The following PPM1E variants were observed in gnomAD, a reference collection of about 807,000 sequenced individuals.
PPM1E encodes protein phosphatase 1E.
PPM1E carries 20 observed loss-of-function variants against 65.9 expected under a neutral mutation model. That is an observed-to-expected ratio of 0.30 (90% CI 0.21 to 0.44). The LOEUF is 0.44. Among genes scored for constraint, PPM1E ranks in the 20% least tolerant of loss-of-function variants. The probability of loss-of-function intolerance (pLI) is 1.00; values close to 1 mark genes in which losing one functional copy is unlikely to be tolerated. For missense variants in PPM1E, 713 were observed against 953.1 expected (o/e 0.75, Z 3.32); for synonymous variants, 352 against 374.9 (o/e 0.94, Z 0.70).
At chr17:58,763,106 C>CACA (rs2049839244) in intron 1 of PPM1E, among the ~76,000 whole-genome samples, 3 of 152,000 alleles carry the variant, frequency 2.0e-5, no homozygotes, top group Non-Finnish European at 4.4e-5. Flanking sequence ...TAAGTTAATA[C>CACA]TGACTGCTCT....
At chr17:58,976,658 C>T (rs556103577) in intron 6 of PPM1E, among the ~76,000 whole-genome samples, 3 of 152,236 alleles carry the variant, frequency 2.0e-5, no homozygotes, top group Non-Finnish European at 2.9e-5. Context: ...GCCATTTCTA[C>T]GATGAAATGG....
rs184455718 is a variant in PPM1E at position 58,866,623 on chromosome 17, A to G, written c.465-89026A>G. Among the ~76,000 whole-genome samples the G allele has an allele frequency of 1.3e-3, 200 of 151,690 alleles. 1 individual carries two copies. The highest frequency in any genetic ancestry group is 9.1e-3 in the Admixed American group (138 of 15,228). On this transcript the variant is annotated intron_variant, in intron 1 of 6. Transcript: ENST00000308249. The stretch of plus-strand genomic sequence containing the variant: ...AATGCTGTCATTGTAAATGCTGTCA[A>G]CTACCTCCATAGCTGCAGTCCTCAC...
chr17:58,783,001 T>C (rs1356385907), intron 1 of PPM1E, among the ~76,000 whole-genome samples: 1 of 152,124 alleles, frequency 6.6e-6, no homozygotes, highest in East Asian at 1.9e-4. Flanking sequence ...CCAATATAGG[T>C]GAAATTAAGA....
intron 1 of PPM1E, among the ~76,000 whole-genome samples, chr17:58,823,017 C>A (rs1033367629): frequency 6.6e-6 from 1 of 152,064 alleles, no homozygotes; most frequent in Admixed American, 6.6e-5. Flanking sequence ...ATGATTATTG[C>A]TCTTCTTGTT....
In PPM1E at chr17:58,764,570, G is replaced by A. The variant is rs138154711; in HGVS notation, c.464+8109G>A. Among the ~76,000 whole-genome samples, 115 of 152,114 alleles carry A rather than the reference G, an allele frequency of 7.6e-4. 1 individual carries two copies. The highest frequency in any genetic ancestry group is 1.5e-3 in the Non-Finnish European group (99 of 68,012). Reference sequence around the variant, plus strand: ...CCTGCCTCAGCCTCTCAAGTAGTTGGCAGTACAGGCATGTGCCGTCATGCC... The same window carrying A: ...CCTGCCTCAGCCTCTCAAGTAGTTGACAGTACAGGCATGTGCCGTCATGCC... On this transcript the variant is annotated intron_variant, in intron 1 of 6. Coordinates refer to ENST00000308249, the MANE Select transcript of PPM1E (RefSeq NM_014906.5).
At chr17:58,826,298 C>G (rs1384695811) in intron 1 of PPM1E, among the ~76,000 whole-genome samples, 1 of 102,736 alleles carries the variant, frequency 9.7e-6, no homozygotes, top group Non-Finnish European at 2.0e-5. Flanking sequence ...GAGACAGACT[C>G]GATCTCAAAA....
At chr17:58,900,383 A>G (rs553202333) in intron 1 of PPM1E, among the ~76,000 whole-genome samples, 7 of 152,362 alleles carry the variant, frequency 4.6e-5, no homozygotes, top group African/African-American at 1.7e-4. Context: ...TTGATCAGTC[A>G]GCAGCCATCA....
At chr17:58,861,144 C>T (rs540617340) in intron 1 of PPM1E, among the ~76,000 whole-genome samples, 1 of 152,274 alleles carries the variant, frequency 6.6e-6, no homozygotes, top group East Asian at 1.9e-4. Context: ...AGGCAATACC[C>T]ACCATGGTGG....
intron 1 of PPM1E, among the ~76,000 whole-genome samples, chr17:58,780,337 T>C (rs2050038887): frequency 6.6e-6 from 1 of 152,184 alleles, no homozygotes; most frequent in South Asian, 2.1e-4. Context: ...GGTGAAACCC[T>C]GTCTCCACAA....
chr17:58,935,249 C>CA lies in PPM1E; in HGVS notation c.465-20386dup, dbSNP rs11347335. 4.4e-3 allele frequency among the ~76,000 whole-genome samples: 621 copies of CA among 140,402 alleles called. 6 individuals are homozygous for CA. The highest frequency in any genetic ancestry group is 0.031 in the South Asian group (138 of 4,440). 92.1% of individuals were successfully genotyped at this position (140,402 alleles called of 152,430 possible). A position where few individuals can be genotyped will look rare whatever the true frequency, so the allele number is the denominator to read the frequency against. On this transcript the variant is annotated intron_variant, in intron 1 of 6. Coordinates refer to ENST00000308249, the MANE Select transcript of PPM1E (RefSeq NM_014906.5). The stretch of plus-strand genomic sequence containing the variant: ...TGGGCGACAGAACTAGACTCCATTT[C>CA]AAAAAAAAAAAAAATGGCTAGGCTG...
At chr17:58,840,927 A>AG in intron 1 of PPM1E, among the ~76,000 whole-genome samples, 1 of 152,318 alleles carries the variant, frequency 6.6e-6, no homozygotes, top group East Asian at 1.9e-4. Context: ...AGCACAGCAG[A>AG]GAAAAAGCTG....
intron 1 of PPM1E, among the ~76,000 whole-genome samples, chr17:58,857,611 A>C (rs2050896613): frequency 6.6e-6 from 1 of 152,172 alleles, no homozygotes; most frequent in African/African-American, 2.4e-5. Flanking sequence ...ATCATTTTTT[A>C]AGCAGTAATT....
intron 1 of PPM1E, among the ~76,000 whole-genome samples, chr17:58,784,360 A>G (rs909068222): frequency 4.6e-5 from 7 of 152,052 alleles, no homozygotes; most frequent in Non-Finnish European, 8.8e-5. Flanking sequence ...TTACTGCTTT[A>G]GTAAGAATGT....
chr17:58,831,004 C>CTTT (rs11448582), intron 1 of PPM1E, among the ~76,000 whole-genome samples: 1 of 135,882 alleles, frequency 7.4e-6, no homozygotes, highest in African/African-American at 2.8e-5. Context: ...CTTACTTTAT[C>CTTT]TTTTTTTTTT....
intron 1 of PPM1E, among the ~76,000 whole-genome samples, chr17:58,922,753 C>T (rs1287008690): frequency 2.0e-5 from 3 of 146,526 alleles, no homozygotes; most frequent in Admixed American, 1.4e-4. Flanking sequence ...GGTGCGATCT[C>T]GGCTCACTGC....
intron 1 of PPM1E, 62 bp downstream of exon 1, chr17:58,756,523 C>A: frequency 8.0e-7 from 1 of 1,256,962 alleles, no homozygotes. Context: ...GCCTCGGACG[C>A]GGCTCCCTCG....
intron 1 of PPM1E, among the ~76,000 whole-genome samples, chr17:58,762,089 T>C (rs1316709929): frequency 6.6e-6 from 1 of 152,222 alleles, no homozygotes; most frequent in African/African-American, 2.4e-5. Flanking sequence ...TCTCCAATTT[T>C]TAGGCCATTA....
chr17:58,809,792 T>A (rs914428250), intron 1 of PPM1E, among the ~76,000 whole-genome samples: 8 of 152,230 alleles, frequency 5.3e-5, no homozygotes, highest in African/African-American at 1.9e-4. Context: ...TATCATGTAA[T>A]ATGCTTTTAT....
At chr17:58,851,745 G>A (rs2050828350) in intron 1 of PPM1E, among the ~76,000 whole-genome samples, 1 of 152,238 alleles carries the variant, frequency 6.6e-6, no homozygotes, top group South Asian at 2.1e-4. Context: ...CACTTGAGGA[G>A]GCAATATGTC....
Sources: allele counts gnomAD v4.1 joint callset (sites outside exome capture counted in the v4.1 genomes callset), GRCh38; gene constraint gnomAD v4.1.1; transcripts MANE v1.5; gene names NCBI Gene and HGNC (gene_info 2026-07-23, HGNC 2026-07-21).